RNF17: variants seen among roughly 807,000 people sequenced by gnomAD.
RNF17 encodes the protein spermatogenesis associated 23.
Under a neutral mutation model 200.5 loss-of-function variants are expected in RNF17, and 31 were observed. That is an observed-to-expected ratio of 0.15 (90% CI 0.12 to 0.21). The LOEUF (loss-of-function observed/expected upper bound fraction) is 0.21, where lower values mean the gene tolerates loss of function less well. Ranked by LOEUF, RNF17 falls within the 10% of genes least tolerant of loss-of-function variation. The pLI is 1.00. For missense variants in RNF17, 1,628 were observed against 1,905.1 expected (o/e 0.85, Z 2.71); for synonymous variants, 606 against 637.8 (o/e 0.95, Z 0.75).
chr13:24,749,715 T>C, the RNF17 span, among the ~76,000 whole-genome samples: 1 of 152,110 alleles, frequency 6.6e-6, no homozygotes, highest in Non-Finnish European at 1.5e-5. Flanking sequence ...ATGCTGGACC[T>C]CCAGTTTGTT....
At position 24,802,438 on chromosome 13, in the gene RNF17, G is replaced by A; in HGVS notation, c.1816G>A (p.Ala606Thr). The A allele has an allele frequency of 6.2e-7, 1 of 1,613,876 alleles. No individual in the cohort carries two copies. The highest frequency in any genetic ancestry group is 8.5e-7 in the Non-Finnish European group (1 of 1,179,902). The change falls in exon 14 of 36, where the codon GCT (alanine) becomes ACT (threonine). Residue 606 changes from alanine to threonine, a missense_variant. This residue lies in a region of RNF17 where 289 missense variants were observed against 384.9 expected (regional missense o/e 0.75). Coordinates refer to ENST00000255324, the MANE Select transcript of RNF17 (RefSeq NM_031277.3). ...VEFLKMVNNK[A>T]VSMKVFREED... ...ATTTTTGAAAATGGTAAATAACAAG[G>A]CTGTTTCAATGAAAGTTTTTAGAGA... is the stretch of plus-strand genomic sequence containing the variant.
intron 4 of RNF17, among the ~76,000 whole-genome samples, chr13:24,779,420 T>A (rs1882046444): frequency 6.6e-6 from 1 of 152,140 alleles, no homozygotes; most frequent in Non-Finnish European, 1.5e-5. Flanking sequence ...TTATCCCATT[T>A]AAAAAAATAT....
upstream of RNF17, among the ~76,000 whole-genome samples, chr13:24,762,170 G>C (rs768627198): frequency 6.6e-5 from 10 of 152,112 alleles, no homozygotes; most frequent in Non-Finnish European, 1.0e-4. Context: ...AGGAGTTTGA[G>C]AGCAGCCTGT....
chr13:24,830,686 T>C, intron 17 of RNF17, 87 bp downstream of exon 17: 1 of 946,282 alleles, frequency 1.1e-6, no homozygotes, highest in Non-Finnish European at 1.7e-6. Flanking sequence ...ATAGAAATGT[T>C]AGTGTCCCTT....
At chr13:24,748,205 C>A in the RNF17 span, among the ~76,000 whole-genome samples, 39 of 152,198 alleles carry the variant, frequency 2.6e-4, no homozygotes, top group African/African-American at 8.9e-4. Flanking sequence ...ATCGTGACAC[C>A]CTGTGGCTTT....
At chr13:24,789,273 T>C (rs1366101285) in intron 7 of RNF17, 75 bp from the exon 8 acceptor site, 4 of 1,001,164 alleles carry the variant, frequency 4.0e-6, no homozygotes, top group Non-Finnish European at 4.7e-6. Flanking sequence ...GATACAGTTT[T>C]CTTTCTAAAA....
intron 18 of RNF17, among the ~76,000 whole-genome samples, chr13:24,833,477 G>C (rs1889648214): frequency 6.6e-6 from 1 of 152,144 alleles, no homozygotes; most frequent in South Asian, 2.1e-4. Context: ...CACTGATTTT[G>C]AGCCAACTTT....
chr13:24,842,195 A>G (rs1890713129), intron 19 of RNF17, 34 bp downstream of exon 19: 2 of 1,543,272 alleles, frequency 1.3e-6, no homozygotes, highest in Non-Finnish European at 1.8e-6. Context: ...TTGTTAGTTC[A>G]TGTTCTTATG....
intron 18 of RNF17, among the ~76,000 whole-genome samples, chr13:24,838,742 T>A (rs1890285117): frequency 6.6e-6 from 1 of 152,132 alleles, no homozygotes; most frequent in African/African-American, 2.4e-5. Flanking sequence ...TTGAAAGCAT[T>A]CCCTCTGAGA....
Position 24,802,280 on chromosome 13 carries a change from T to C in RNF17, c.1759-101T>C, listed in dbSNP as rs539847904. 5.8e-4 allele frequency: 612 copies of C among 1,046,466 alleles called. 3 individuals are homozygous for C. Among genetic ancestry groups the C allele is most frequent in the Middle Eastern group, 4.8e-3 (15 of 3,156 alleles). The allele number at this position is 1,046,466 out of a possible 1,614,324, so 64.8% of individuals were successfully genotyped here. A position where few individuals can be genotyped will look rare whatever the true frequency, so the allele number is the denominator to read the frequency against. ...TAATGTCTGCGGTTGGTTCAGTTTGTTCGCAGTTGCGTCTGTGGTTGGTAC... is the reference window on the plus strand; with the variant it reads ...TAATGTCTGCGGTTGGTTCAGTTTGCTCGCAGTTGCGTCTGTGGTTGGTAC... On this transcript the variant is annotated intron_variant, in intron 13 of 35. Transcript: ENST00000255324.
At chr13:24,885,518 C>A in the RNF17 span, 1 of 1,219,282 alleles carries the variant, frequency 8.2e-7, no homozygotes, top group Non-Finnish European at 1.2e-6. Context: ...CTTTTTTACA[C>A]GTGGTTTAGA....
chr13:24,771,126 G>T (rs558184151), intron 2 of RNF17, among the ~76,000 whole-genome samples: 1 of 152,030 alleles, frequency 6.6e-6, no homozygotes, highest in African/African-American at 2.4e-5. Context: ...CTTTTGAATT[G>T]TCTTTTTCCT....
chr13:24,758,951 C>T, the RNF17 span, among the ~76,000 whole-genome samples: 1 of 151,752 alleles, frequency 6.6e-6, no homozygotes, highest in Non-Finnish European at 1.5e-5. Flanking sequence ...TGGTGTGTGC[C>T]TGTAGTCCCA....
At chr13:24,751,590 C>T in the RNF17 span, 1 of 152,110 alleles carries the variant, frequency 6.6e-6, no homozygotes, top group African/African-American at 2.4e-5. Context: ...GAAGCAGTCT[C>T]AGGGATATAC....
At chr13:24,811,232 A>G (rs1279794310) in intron 15 of RNF17, among the ~76,000 whole-genome samples, 1 of 151,330 alleles carries the variant, frequency 6.6e-6, no homozygotes, top group South Asian at 2.1e-4. Flanking sequence ...TATCCTGCAG[A>G]GTGTTTTCCA....
chr13:24,887,137 A>T, the RNF17 span, among the ~76,000 whole-genome samples: 3 of 152,224 alleles, frequency 2.0e-5, no homozygotes, highest in Admixed American at 2.0e-4. Context: ...AGAATTAAGA[A>T]GCACTGCCCA....
chr13:24,782,637 GACCAGTCTGGGCA>G (rs778452442), intron 6 of RNF17, among the ~76,000 whole-genome samples: 2 of 151,622 alleles, frequency 1.3e-5, no homozygotes, highest in Non-Finnish European at 2.9e-5. Context: ...AGGAGTTTGA[GACCAGTCTGGGCA>G]ACACAGCGAG....
intron 34 of RNF17, among the ~76,000 whole-genome samples, chr13:24,877,942 T>C (rs999857417): frequency 6.6e-6 from 1 of 152,188 alleles, no homozygotes; most frequent in African/African-American, 2.4e-5. Flanking sequence ...AAGTTGGAAA[T>C]TTTACCCAAA....
chr13:24,764,546 T>A (rs956816798), intron 1 of RNF17, among the ~76,000 whole-genome samples: 8 of 152,194 alleles, frequency 5.3e-5, no homozygotes, highest in Non-Finnish European at 1.0e-4. Flanking sequence ...CACGGCTTTC[T>A]CCAATTACCC....
Sources: allele counts gnomAD v4.1 joint callset (sites outside exome capture counted in the v4.1 genomes callset), GRCh38; gene constraint gnomAD v4.1.1; regional missense constraint gnomAD v4.1.1; transcripts MANE v1.5; gene names NCBI Gene and HGNC (gene_info 2026-07-23, HGNC 2026-07-21).